The following HLCS variants were observed in gnomAD, a reference collection of about 807,000 sequenced individuals.
HLCS encodes the protein holocarboxylase synthetase.
A neutral mutation model predicts 75.0 loss-of-function variants in HLCS; 53 were observed. The observed-to-expected ratio is 0.71, with a 90% confidence interval of 0.57 to 0.89. The LOEUF (loss-of-function observed/expected upper bound fraction) is 0.89, where lower values mean the gene tolerates loss of function less well. Among genes scored for constraint, HLCS ranks in the 40% least tolerant of loss-of-function variants. The probability of loss-of-function intolerance (pLI) is 0.00; values close to 1 mark genes in which losing one functional copy is unlikely to be tolerated. For missense variants in HLCS, 966 were observed against 1,074.0 expected (o/e 0.90, Z 1.41); for synonymous variants, 431 against 428.6 (o/e 1.01, Z -0.07).
At chr21:36,863,024 G>C (rs1486348294) in intron 6 of HLCS, among the ~76,000 whole-genome samples, 1 of 148,722 alleles carries the variant, frequency 6.7e-6, no homozygotes, top group Admixed American at 6.7e-5. Flanking sequence ...TCAGCTTCCC[G>C]AATAGCTGGG....
chr21:36,932,512 A>G (rs564710828), intron 4 of HLCS, among the ~76,000 whole-genome samples: 1 of 152,322 alleles, frequency 6.6e-6, no homozygotes, highest in Non-Finnish European at 1.5e-5. Context: ...TTGTCTAGTT[A>G]AAATTAAAAT....
At chr21:36,861,080 G>T (rs1300811195) in intron 6 of HLCS, among the ~76,000 whole-genome samples, 1 of 152,154 alleles carries the variant, frequency 6.6e-6, no homozygotes, top group Non-Finnish European at 1.5e-5. Flanking sequence ...TGCTGACCAG[G>T]TTCTGTGCTA....
chr21:36,966,113 G>C (rs566229068), intron 1 of HLCS, among the ~76,000 whole-genome samples: 11 of 152,312 alleles, frequency 7.2e-5, no homozygotes, highest in African/African-American at 2.2e-4. Context: ...CTCGAAGTGT[G>C]GGAGAGGAGG....
intron 6 of HLCS, among the ~76,000 whole-genome samples, chr21:36,773,250 A>G (rs2060261711): frequency 6.6e-6 from 1 of 152,240 alleles, no homozygotes; most frequent in South Asian, 2.1e-4. Context: ...TCTCCTTTCC[A>G]GCACAGATTG....
intron 6 of HLCS, among the ~76,000 whole-genome samples, chr21:36,877,558 A>C (rs2064033260): frequency 6.6e-6 from 1 of 152,078 alleles, no homozygotes; most frequent in Admixed American, 6.6e-5. Flanking sequence ...TTTTTGCTAG[A>C]GTTGTCATAT....
chr21:36,955,446 T>C (rs1239864661), intron 2 of HLCS, among the ~76,000 whole-genome samples: 1 of 151,978 alleles, frequency 6.6e-6, no homozygotes, highest in African/African-American at 2.4e-5. Context: ...TAGAGATAAA[T>C]AAATGAAAAT....
intron 6 of HLCS, among the ~76,000 whole-genome samples, chr21:36,868,488 T>TA (rs1467555863): frequency 6.6e-6 from 1 of 152,180 alleles, no homozygotes; most frequent in Non-Finnish European, 1.5e-5. Flanking sequence ...ATCCATGTAT[T>TA]ACTCATACAA....
chr21:36,876,562 C>T (rs1435351613), intron 6 of HLCS, among the ~76,000 whole-genome samples: 1 of 152,094 alleles, frequency 6.6e-6, no homozygotes, highest in Non-Finnish European at 1.5e-5. Flanking sequence ...TGTGGGTTTC[C>T]TAGATCCATT....
chr21:36,782,385 GCAGCA>G (rs1456164988), intron 6 of HLCS, among the ~76,000 whole-genome samples: 1 of 152,162 alleles, frequency 6.6e-6, no homozygotes, highest in African/African-American at 2.4e-5. Context: ...TGAGGTACTT[GCAGCA>G]CATGGGTAGT....
At chr21:36,756,820 C>T in intron 9 of HLCS, 65 bp from the exon 10 acceptor site, 1 of 1,611,388 alleles carries the variant, frequency 6.2e-7, no homozygotes, top group Non-Finnish European at 8.5e-7. Context: ...CTCTCTGCCA[C>T]ATGGAAAAAG....
chr21:36,969,239 A>G (rs1208066051), upstream of HLCS, among the ~76,000 whole-genome samples: 3 of 152,172 alleles, frequency 2.0e-5, no homozygotes, highest in African/African-American at 7.2e-5. Context: ...CATCACCCCT[A>G]TATAACAAAG....
At position 36,767,090 on chromosome 21, in the gene HLCS, T is replaced by C. The variant is rs1353294032; in HGVS notation, c.1960+128A>G. On this transcript the variant is annotated intron_variant, in intron 7 of 10. Transcript: ENST00000674895. ...CCTCTTCCTCCATTCCAGGCGGTTA[T>C]GAAAACAGAATCTACTAACTTGAGT... 14 of 894,602 alleles carry C rather than the reference T, an allele frequency of 1.6e-5. No homozygotes were observed. The East Asian group carries it at 3.3e-4, about 21-fold the overall frequency. The allele number at this position is 894,602 out of a possible 1,614,324, so 55.4% of individuals were successfully genotyped here. A position where few individuals can be genotyped will look rare whatever the true frequency, so the allele number is the denominator to read the frequency against.
At chr21:36,948,270 G>A (rs1036049092) in intron 2 of HLCS, 13 of 135,978 alleles carry the variant, frequency 9.6e-5, no homozygotes, top group South Asian at 4.7e-4. Flanking sequence ...CAGCCTGGAC[G>A]ACAGAACGAC....
intron 6 of HLCS, among the ~76,000 whole-genome samples, chr21:36,848,298 C>T (rs1219816439): frequency 6.9e-6 from 1 of 144,722 alleles, no homozygotes; most frequent in Non-Finnish European, 1.5e-5. Context: ...GAAACAGAGT[C>T]TAGCTCTGTC....
intron 6 of HLCS, among the ~76,000 whole-genome samples, chr21:36,853,182 G>A (rs1463103233): frequency 6.6e-6 from 1 of 152,042 alleles, no homozygotes; most frequent in Non-Finnish European, 1.5e-5. Flanking sequence ...GGTCTTAAGG[G>A]CAAAAAAATC....
At chr21:36,960,144 CCG>C in intron 2 of HLCS, among the ~76,000 whole-genome samples, 1 of 102,260 alleles carries the variant, frequency 9.8e-6, no homozygotes, top group East Asian at 3.9e-4. Flanking sequence ...CCCCCCCCCC[CCG>C]ACCCTGCACT....
intron 6 of HLCS, among the ~76,000 whole-genome samples, chr21:36,808,624 G>A (rs895227052): frequency 6.6e-5 from 10 of 152,024 alleles, no homozygotes; most frequent in African/African-American, 2.4e-4. Flanking sequence ...TATAAGCCTC[G>A]CAAGACAGTG....
At chr21:36,866,596 CA>C (rs2063565020) in intron 6 of HLCS, among the ~76,000 whole-genome samples, 1 of 152,158 alleles carries the variant, frequency 6.6e-6, no homozygotes. Flanking sequence ...CATGACTGGG[CA>C]AATTCACAGA....
chr21:36,825,227 T>C lies in HLCS; in HGVS notation c.1893-57942A>G, dbSNP rs1177085084. On this transcript the variant is annotated intron_variant, in intron 6 of 10. Transcript: ENST00000674895. ...TGAGAGGTCCTGTCTCTATAAAAAA[T>C]AAATACGAAACTGATCCAGGTGTGG... Among the ~76,000 whole-genome samples the C allele has an allele frequency of 2.0e-5, 3 of 151,842 alleles. No individual in the cohort carries two copies. The East Asian group carries it at 5.8e-4, about 29-fold the overall frequency.
Sources: allele counts gnomAD v4.1 joint callset (sites outside exome capture counted in the v4.1 genomes callset), GRCh38; gene constraint gnomAD v4.1.1; transcripts MANE v1.5; gene names NCBI Gene and HGNC (gene_info 2026-07-23, HGNC 2026-07-21).